Variants in GALNT17 observed in about 807,000 individuals in gnomAD.
The protein encoded by GALNT17 is UDP-GalNAc:polypeptide N-acetylgalactosaminyltransferase-like 3.
In GALNT17, 29 loss-of-function variants were observed where a neutral mutation model predicts 63.7. The observed-to-expected ratio is 0.46, with a 90% CI of 0.34 to 0.62. The LOEUF (loss-of-function observed/expected upper bound fraction) is 0.62, where lower values mean the gene tolerates loss of function less well. Ranked by LOEUF, GALNT17 falls within the 20% of genes least tolerant of loss-of-function variation. GALNT17 has a pLI of 0.01. For missense variants in GALNT17, 603 were observed against 799.6 expected (o/e 0.75, Z 2.97); for synonymous variants, 305 against 318.3 (o/e 0.96, Z 0.45).
Position 71,133,040 on chromosome 7 carries a change from G to C in GALNT17, c.238G>C (p.Gly80Arg). Residue 80 changes from glycine to arginine, a missense_variant and splice_region_variant, in exon 1 of 11, where the codon GGC (glycine) becomes CGC (arginine). Physicochemically the swap from Gly to Arg is moderately radical, Grantham distance 125. This residue lies in a region of GALNT17 where 195 missense variants were observed against 215.0 expected (regional missense o/e 0.91). Transcript: ENST00000333538. Reference protein sequence around the residue: ...LEDIVYRQLNGLSKSLGLIEG... With the variant: ...LEDIVYRQLNRLSKSLGLIEG... ...GGACATCGTGTACCGGCAGCTGAAT[G>C]GTAAGGACGCACGCCGGCGCCTCCG... The C allele has an allele frequency of 6.4e-7, 1 of 1,563,710 alleles. No homozygotes were observed.
At chr7:71,374,629 G>A (rs2116287859) in intron 2 of GALNT17, among the ~76,000 whole-genome samples, 1 of 152,318 alleles carries the variant, frequency 6.6e-6, no homozygotes, top group East Asian at 1.9e-4. Flanking sequence ...TGCAAAGGAT[G>A]TGGAGACGTG....
At position 71,563,171 on chromosome 7, in the gene GALNT17, A is replaced by G. The variant is rs550367135; in HGVS notation, c.963-8114A>G. Among the ~76,000 whole-genome samples, 20 of 152,316 alleles carry G rather than the reference A, an allele frequency of 1.3e-4. No individual in the cohort carries two copies. In the South Asian group the frequency reaches 3.3e-3, roughly 25 times the overall value. On this transcript the variant is annotated intron_variant, in intron 5 of 10. Coordinates refer to ENST00000333538, the MANE Select transcript of GALNT17 (RefSeq NM_022479.3). Reference sequence around the variant, plus strand: ...ATTAGGCTTTGGCAGATCCCTTAATATGATTATCATTTTTGAATGATTTTG... The same window carrying G: ...ATTAGGCTTTGGCAGATCCCTTAATGTGATTATCATTTTTGAATGATTTTG...
chr7:71,591,765 C>T (rs62461686), intron 6 of GALNT17, among the ~76,000 whole-genome samples: 2 of 152,022 alleles, frequency 1.3e-5, no homozygotes, highest in African/African-American at 2.4e-5. Flanking sequence ...CAGATTCCAG[C>T]GATTCTCCTG....
intron 1 of GALNT17, among the ~76,000 whole-genome samples, chr7:71,287,083 T>C (rs973182417): frequency 6.6e-6 from 1 of 152,096 alleles, no homozygotes; most frequent in East Asian, 1.9e-4. Flanking sequence ...CAGCTGCTTT[T>C]AAGTTCCTTT....
At chr7:71,468,847 C>G (rs1014165331) in intron 5 of GALNT17, among the ~76,000 whole-genome samples, 2 of 152,120 alleles carry the variant, frequency 1.3e-5, no homozygotes, top group African/African-American at 2.4e-5. Context: ...TGCATTCATT[C>G]ATTCATCTAT....
At chr7:71,419,676 G>A (rs1786624131) in intron 4 of GALNT17, among the ~76,000 whole-genome samples, 1 of 152,186 alleles carries the variant, frequency 6.6e-6, no homozygotes, top group Non-Finnish European at 1.5e-5. Flanking sequence ...GGTGGTGAGT[G>A]AGGTAGGAGA....
intron 2 of GALNT17, among the ~76,000 whole-genome samples, chr7:71,354,289 C>A (rs1041546010): frequency 3.3e-5 from 5 of 152,150 alleles, no homozygotes; most frequent in Admixed American, 6.5e-5. Context: ...ATAGTGGGAA[C>A]CCTTGCCTTT....
At chr7:71,409,514 A>G (rs1793393807) in intron 3 of GALNT17, among the ~76,000 whole-genome samples, 1 of 151,494 alleles carries the variant, frequency 6.6e-6, no homozygotes, top group African/African-American at 2.5e-5. Context: ...AATATTCAGT[A>G]AGTCTCATCA....
intron 5 of GALNT17, among the ~76,000 whole-genome samples, chr7:71,549,053 T>C (rs941893085): frequency 2.6e-5 from 4 of 152,178 alleles, no homozygotes; most frequent in Non-Finnish European, 5.9e-5. Flanking sequence ...GACCTGGTAC[T>C]GTGGTGGCCT....
At chr7:71,595,319 A>G (rs751999344) in intron 6 of GALNT17, among the ~76,000 whole-genome samples, 10 of 152,078 alleles carry the variant, frequency 6.6e-5, no homozygotes, top group Non-Finnish European at 1.2e-4. Flanking sequence ...AGTCATAGCT[A>G]CTAAGGAGGT....
At chr7:71,350,150 AAG>A (rs1792165155) in intron 2 of GALNT17, among the ~76,000 whole-genome samples, 2 of 152,226 alleles carry the variant, frequency 1.3e-5, no homozygotes, top group South Asian at 4.1e-4. Flanking sequence ...AAAATAAAGA[AAG>A]GAATTTATTT....
intron 3 of GALNT17, among the ~76,000 whole-genome samples, chr7:71,408,462 G>C (rs1480062524): frequency 6.6e-6 from 1 of 152,174 alleles, no homozygotes; most frequent in African/African-American, 2.4e-5. Flanking sequence ...AGTAGCAGTG[G>C]TAGCAGGAAC....
At chr7:71,466,042 G>T (rs1283310815) in intron 5 of GALNT17, among the ~76,000 whole-genome samples, 1 of 152,302 alleles carries the variant, frequency 6.6e-6, no homozygotes, top group Admixed American at 6.5e-5. Context: ...CTGGCTGCAT[G>T]AATGGAGATT....
chr7:71,464,662 C>T (rs1486467461), intron 5 of GALNT17, among the ~76,000 whole-genome samples: 2 of 152,096 alleles, frequency 1.3e-5, no homozygotes, highest in African/African-American at 4.8e-5. Flanking sequence ...GGTTTGAATG[C>T]CAGTTGATAA....
intron 5 of GALNT17, among the ~76,000 whole-genome samples, chr7:71,494,581 A>G (rs1291707508): frequency 6.6e-6 from 1 of 152,058 alleles, no homozygotes; most frequent in Non-Finnish European, 1.5e-5. Context: ...CTGGTCTTGA[A>G]TTCCTGGGCT....
chr7:71,249,217 T>C (rs1790153934), intron 1 of GALNT17, among the ~76,000 whole-genome samples: 1 of 152,196 alleles, frequency 6.6e-6, no homozygotes, highest in African/African-American at 2.4e-5. Flanking sequence ...CTTTCTTACG[T>C]GGGTTAAATA....
chr7:71,249,757 C>T (rs1270799450), intron 1 of GALNT17, among the ~76,000 whole-genome samples: 2 of 152,174 alleles, frequency 1.3e-5, no homozygotes, highest in African/African-American at 4.8e-5. Flanking sequence ...AGATGTAGAT[C>T]CAAGTAGAAG....
chr7:71,335,060 A>C (rs1288879935), intron 1 of GALNT17, among the ~76,000 whole-genome samples: 2 of 152,096 alleles, frequency 1.3e-5, no homozygotes, highest in Non-Finnish European at 2.9e-5. Flanking sequence ...CTCCCAGTTT[A>C]GATGGTCTCT....
chr7:71,668,000 C>T (rs752499254), intron 7 of GALNT17, among the ~76,000 whole-genome samples: 1 of 152,050 alleles, frequency 6.6e-6, no homozygotes, highest in Non-Finnish European at 1.5e-5. Flanking sequence ...GGTTTTGCCA[C>T]GTTGCCCAGG....
Sources: gnomAD v4.1 joint callset for allele counts (sites outside exome capture counted in the v4.1 genomes callset) on GRCh38, gnomAD v4.1.1 for gene constraint, gnomAD v4.1.1 regional missense constraint, MANE v1.5 for transcripts, NCBI Gene and HGNC (gene_info 2026-07-23, HGNC 2026-07-21) for gene names.